The following PWP1 variants were observed in gnomAD, a reference collection of about 807,000 sequenced individuals.
PWP1 encodes the protein PWP1 homolog, endonuclein, also known as periodic tryptophan protein 1 homolog.
In PWP1, 47 loss-of-function variants were observed where a neutral mutation model predicts 69.9. That is an observed-to-expected ratio of 0.67 (90% confidence interval 0.53 to 0.86). The LOEUF is 0.86. Ranked by LOEUF, PWP1 falls within the 40% of genes least tolerant of loss-of-function variation. The pLI, the probability that PWP1 is intolerant of heterozygous loss-of-function variation, is 0.00. For missense variants in PWP1, 551 were observed against 608.8 expected (o/e 0.91, Z 1.00); for synonymous variants, 222 against 208.2 (o/e 1.07, Z -0.57).
rs745576577 is a variant in PWP1 at position 107,703,699 on chromosome 12, G to A, written c.918G>A (p.Gln306=). 4.4e-6 allele frequency: 7 copies of A among 1,607,070 alleles called. No individual in the cohort carries two copies. The East Asian group carries it at 1.6e-4, about 36-fold the overall frequency. ...AVHTDKVQTL[Q]FHPFEAQTLI... ...CCTCCCTTTAGGTCCAAACACTGCA[G>A]TTTCATCCATTTGAAGCACAGACTC... Residue 306 remains glutamine (Q), a synonymous_variant, in exon 10 of 15, where the codon CAG becomes CAA. Coordinates refer to ENST00000412830, the MANE Select transcript of PWP1 (RefSeq NM_007062.3).
intron 4 of PWP1, 22 bp from the exon 5 acceptor site, chr12:107,692,978 A>T: frequency 6.2e-7 from 1 of 1,613,612 alleles, no homozygotes; most frequent in South Asian, 1.1e-5. Context: ...CTAGTCAATG[A>T]CATTTTTTTC....
chr12:107,694,820 G>C (rs1282415380), intron 5 of PWP1, among the ~76,000 whole-genome samples: 1 of 152,034 alleles, frequency 6.6e-6, no homozygotes, highest in Non-Finnish European at 1.5e-5. Context: ...TCTCAGTTAG[G>C]TTATTATAGA....
intron 6 of PWP1, among the ~76,000 whole-genome samples, chr12:107,696,906 A>G (rs1314072014): frequency 6.6e-6 from 1 of 152,174 alleles, no homozygotes; most frequent in African/African-American, 2.4e-5. Flanking sequence ...AGATGTTACC[A>G]GCTAGAGTTC....
intron 14 of PWP1, among the ~76,000 whole-genome samples, chr12:107,711,104 A>G (rs995517210): frequency 1.3e-5 from 2 of 152,198 alleles, no homozygotes; most frequent in East Asian, 3.8e-4. Flanking sequence ...CATTGTTTCT[A>G]TAGGTATTAA....
rs568497835 is a variant in PWP1, at chr12:107,693,074, C to T, written c.480C>T (p.Asp160=). 2.4e-4 allele frequency: 387 copies of T among 1,613,100 alleles called. 1 individual carries two copies. In the South Asian group the frequency reaches 4.1e-3, roughly 17 times the overall value. ...NLIVCGRAEQ[D]QCNLEVHVYN... ...TAGTTTGTGGCCGAGCTGAACAGGACCAGTGCAATTTAGAGGTGCATGGTA... is the reference window on the plus strand; with the variant it reads ...TAGTTTGTGGCCGAGCTGAACAGGATCAGTGCAATTTAGAGGTGCATGGTA... The change falls in exon 5 of 15, where the codon GAC becomes GAT. Residue 160 remains aspartate (D), a synonymous_variant. Coordinates refer to ENST00000412830, the MANE Select transcript of PWP1 (RefSeq NM_007062.3).
intron 11 of PWP1, among the ~76,000 whole-genome samples, chr12:107,705,043 T>C (rs1889789357): frequency 6.6e-6 from 1 of 152,124 alleles, no homozygotes; most frequent in Admixed American, 6.6e-5. Context: ...ATAGTTAGTA[T>C]TTTTTGTTTT....
At chr12:107,694,205 C>T (rs1443594680) in intron 5 of PWP1, among the ~76,000 whole-genome samples, 2 of 152,160 alleles carry the variant, frequency 1.3e-5, no homozygotes, top group African/African-American at 4.8e-5. Flanking sequence ...TACAGATTCT[C>T]CGTTTTGTTT....
chr12:107,697,082 C>CTTGT (rs751186951), intron 6 of PWP1, among the ~76,000 whole-genome samples: 17 of 152,184 alleles, frequency 1.1e-4, no homozygotes, highest in Non-Finnish European at 2.4e-4. Context: ...TGTCTTACGT[C>CTTGT]TTGTTTGCAC....
rs1566079989 is a variant in PWP1, at chr12:107,699,986, TG to T, written c.806+553del. 5.3e-5 allele frequency among the ~76,000 whole-genome samples: 8 copies of T among 152,072 alleles called. No homozygotes were observed. In the South Asian group the frequency reaches 1.7e-3, roughly 32 times the overall value. On this transcript the variant is annotated intron_variant, in intron 8 of 14. Coordinates refer to ENST00000412830, the MANE Select transcript of PWP1 (RefSeq NM_007062.3). ...AGAAAGCAAATGAGGAGCAAAGTCA[TG>T]TCTTATATAGTGGCAGGCAGGAGAA...
At chr12:107,701,262 G>C (rs748343531) in intron 8 of PWP1, among the ~76,000 whole-genome samples, 10 of 152,094 alleles carry the variant, frequency 6.6e-5, no homozygotes, top group Non-Finnish European at 1.2e-4. Context: ...CAAAGTGCTG[G>C]GATAACAGGC....
chr12:107,702,282 CTGTTT>C (rs1054049029), intron 8 of PWP1, among the ~76,000 whole-genome samples: 2 of 151,442 alleles, frequency 1.3e-5, no homozygotes, highest in Non-Finnish European at 2.9e-5. Context: ...GTAGTACATC[CTGTTT>C]TGTTTTGTTT....
At chr12:107,711,522 T>G (rs1203031144) in intron 14 of PWP1, among the ~76,000 whole-genome samples, 3 of 152,188 alleles carry the variant, frequency 2.0e-5, no homozygotes, top group African/African-American at 7.2e-5. Flanking sequence ...TGTGAATAAA[T>G]CCACCGTTTG....
chr12:107,700,817 A>C (rs926884092), intron 8 of PWP1, among the ~76,000 whole-genome samples: 2 of 152,190 alleles, frequency 1.3e-5, no homozygotes, highest in Non-Finnish European at 2.9e-5. Flanking sequence ...AGTGTCTCCA[A>C]AATTTGTTAT....
At chr12:107,690,367 T>C (rs1369834491) in intron 3 of PWP1, among the ~76,000 whole-genome samples, 1 of 152,154 alleles carries the variant, frequency 6.6e-6, no homozygotes, top group Non-Finnish European at 1.5e-5. Context: ...ACAGACACCA[T>C]GTCTAAATAA....
chr12:107,712,287 A>T lies in PWP1; in HGVS notation c.*67A>T. The T allele has an allele frequency of 8.2e-7, 1 of 1,225,890 alleles. No homozygotes were observed. The highest frequency in any genetic ancestry group is 1.2e-6 in the Non-Finnish European group (1 of 832,276). 75.9% of individuals were successfully genotyped at this position (1,225,890 alleles called of 1,614,324 possible). On this transcript the variant is annotated 3_prime_UTR_variant, in exon 15 of 15. Transcript: ENST00000412830. ...TAAAAAGTTGGCCTAAAAATGTTCC[A>T]TGCGTGGCAGCAACCATGCAGAGTG...
Sources: gnomAD v4.1 joint callset for allele counts (sites outside exome capture counted in the v4.1 genomes callset) on GRCh38, gnomAD v4.1.1 for gene constraint, MANE v1.5 for transcripts, NCBI Gene and HGNC (gene_info 2026-07-23, HGNC 2026-07-21) for gene names.